Variants in SNCAIP observed in about 807,000 individuals in gnomAD.
SNCAIP encodes synphilin-1.
In SNCAIP, 43 loss-of-function variants were observed where a neutral mutation model predicts 86.7. The observed-to-expected ratio is 0.50, with a 90% CI of 0.39 to 0.64. SNCAIP has a LOEUF of 0.64. Among genes scored for constraint, SNCAIP ranks in the 30% least tolerant of loss-of-function variants. The probability of loss-of-function intolerance (pLI) is 0.00; values close to 1 mark genes in which losing one functional copy is unlikely to be tolerated. For missense variants in SNCAIP, 981 were observed against 1,103.1 expected (o/e 0.89, Z 1.57); for synonymous variants, 417 against 427.2 (o/e 0.98, Z 0.29).
chr5:122,370,212 AT>A (rs1262603334), intron 1 of SNCAIP, among the ~76,000 whole-genome samples: 2 of 152,086 alleles, frequency 1.3e-5, no homozygotes, highest in Non-Finnish European at 2.9e-5. Context: ...CAACAAAAAA[AT>A]CTGTATGCTC....
chr5:122,430,895 GTTATA>G (rs1778289094), intron 5 of SNCAIP, among the ~76,000 whole-genome samples: 1 of 151,802 alleles, frequency 6.6e-6, no homozygotes, highest in Admixed American at 6.6e-5. Context: ...TGTATCCATA[GTTATA>G]TTATTTGTAT....
At chr5:122,377,273 G>A (rs569164021) in intron 1 of SNCAIP, among the ~76,000 whole-genome samples, 1 of 152,068 alleles carries the variant, frequency 6.6e-6, no homozygotes, top group Non-Finnish European at 1.5e-5. Flanking sequence ...GATAACCTGT[G>A]GCTTTTTAAA....
At chr5:122,356,020 A>G (rs1240472535) in intron 1 of SNCAIP, among the ~76,000 whole-genome samples, 1 of 152,130 alleles carries the variant, frequency 6.6e-6, no homozygotes, top group Non-Finnish European at 1.5e-5. Context: ...ATGCATGTTT[A>G]AATATATGTA....
chr5:122,354,740 T>C (rs2152751218), intron 1 of SNCAIP, among the ~76,000 whole-genome samples: 1 of 152,296 alleles, frequency 6.6e-6, no homozygotes, highest in African/African-American at 2.4e-5. Flanking sequence ...AAGCAGTAAA[T>C]GAAACATCCC....
chr5:122,321,852 C>A (rs1021894344), intron 1 of SNCAIP: 3 of 152,134 alleles, frequency 2.0e-5, no homozygotes, highest in African/African-American at 7.2e-5. Context: ...TGTATTGAGA[C>A]TGTATACACC....
intron 8 of SNCAIP, chr5:122,445,001 CCTCT>C (rs1263407221): frequency 2.1e-6 from 1 of 473,338 alleles, no homozygotes; most frequent in African/African-American, 2.0e-5. Context: ...GGCGAGAGAG[CCTCT>C]CTCTGTGTTC....
At chr5:122,346,519 C>T (rs2152733191) in intron 1 of SNCAIP, among the ~76,000 whole-genome samples, 1 of 152,100 alleles carries the variant, frequency 6.6e-6, no homozygotes. Flanking sequence ...ATAGCTGATG[C>T]TTTTTGCAAA....
intron 3 of SNCAIP, among the ~76,000 whole-genome samples, chr5:122,407,508 C>T (rs1352562492): frequency 6.6e-6 from 1 of 152,074 alleles, no homozygotes; most frequent in Non-Finnish European, 1.5e-5. Flanking sequence ...TTTCTAAAAT[C>T]TTATGACCTG....
intron 3 of SNCAIP, among the ~76,000 whole-genome samples, chr5:122,406,475 C>T (rs1008286337): frequency 1.1e-4 from 16 of 152,060 alleles, no homozygotes; most frequent in African/African-American, 3.9e-4. Flanking sequence ...ATCTCTGTTC[C>T]CATCCAAACC....
Position 122,440,613 on chromosome 5 carries a change from G to A in SNCAIP, c.1297-16G>A. 1 of 1,611,990 alleles carries A rather than the reference G, an allele frequency of 6.2e-7. No homozygotes were observed. Among genetic ancestry groups the A allele is most frequent in the Non-Finnish European group, 8.5e-7 (1 of 1,178,124 alleles). ...GCAAGATATTACATGAATTCCAACT[G>A]TCTTTGTGTTTATAGGAAAAGATTC... is the stretch of plus-strand genomic sequence containing the variant. On this transcript the variant is annotated splice_polypyrimidine_tract_variant and intron_variant, in intron 6 of 10. Transcript: ENST00000261368.
At chr5:122,366,457 T>C (rs1235931725) in intron 1 of SNCAIP, among the ~76,000 whole-genome samples, 1 of 152,212 alleles carries the variant, frequency 6.6e-6, no homozygotes. Context: ...AGCCAGTCAG[T>C]TGGCAAAGGA....
intron 7 of SNCAIP, chr5:122,441,321 C>T (rs766515366): frequency 2.7e-4 from 42 of 155,254 alleles, no homozygotes; most frequent in Non-Finnish European, 5.0e-4. Flanking sequence ...TGGTCCTCTC[C>T]GCCCTTGGGC....
At chr5:122,318,833 CT>C (rs1008707500) in intron 1 of SNCAIP, among the ~76,000 whole-genome samples, 2 of 152,188 alleles carry the variant, frequency 1.3e-5, no homozygotes, top group Admixed American at 6.5e-5. Context: ...CCTTTTCCCC[CT>C]ATCATCAGAG....
rs878917081 is a variant in SNCAIP, at chr5:122,453,102, CAAGG to C, written c.2754+1505_2754+1508del. ...AGCACCTTTCATCAGGGGATAACACCAAGGAAGAAGAAAATTACAACTATTCCCC... is the reference window on the plus strand; with the variant it reads ...AGCACCTTTCATCAGGGGATAACACCAAGAAGAAAATTACAACTATTCCCC... On this transcript the variant is annotated intron_variant, in intron 10 of 10. Coordinates refer to ENST00000261368, the MANE Select transcript of SNCAIP (RefSeq NM_005460.4). 5 of 644,248 alleles carry C rather than the reference CAAGG, an allele frequency of 7.8e-6. No individual in the cohort carries two copies. In the South Asian group the frequency reaches 1.1e-4, roughly 14 times the overall value. The allele number at this position is 644,248 out of a possible 1,614,324, so 39.9% of individuals were successfully genotyped here.
intron 1 of SNCAIP, among the ~76,000 whole-genome samples, chr5:122,383,991 T>A (rs977904170): frequency 6.6e-6 from 1 of 152,238 alleles, no homozygotes; most frequent in Non-Finnish European, 1.5e-5. Flanking sequence ...ATACACGTTT[T>A]GTTAATGATG....
At chr5:122,399,598 G>A (rs1367548516) in intron 2 of SNCAIP, among the ~76,000 whole-genome samples, 1 of 151,988 alleles carries the variant, frequency 6.6e-6, no homozygotes, top group East Asian at 1.9e-4. Flanking sequence ...CCAAAATTAT[G>A]GACTGAGCTA....
intron 2 of SNCAIP, among the ~76,000 whole-genome samples, chr5:122,402,554 A>G (rs1362501134): frequency 6.6e-6 from 1 of 151,984 alleles, no homozygotes; most frequent in Non-Finnish European, 1.5e-5. Flanking sequence ...TTTGTTTGTG[A>G]CATGCGGTTG....
chr5:122,403,277 C>T (rs1772217227), intron 2 of SNCAIP, among the ~76,000 whole-genome samples: 1 of 152,108 alleles, frequency 6.6e-6, no homozygotes, highest in South Asian at 2.1e-4. Context: ...ATAATGGATG[C>T]TACACAGTAA....
At chr5:122,460,244 C>T (rs573086309) in intron 10 of SNCAIP, among the ~76,000 whole-genome samples, 4 of 152,064 alleles carry the variant, frequency 2.6e-5, no homozygotes, top group African/African-American at 9.6e-5. Flanking sequence ...ACTTCAGCCT[C>T]CTGAGCAGCT....
Sources: gnomAD v4.1 joint callset for allele counts (sites outside exome capture counted in the v4.1 genomes callset) on GRCh38, gnomAD v4.1.1 for gene constraint, MANE v1.5 for transcripts, NCBI Gene and HGNC (gene_info 2026-07-23, HGNC 2026-07-21) for gene names.